The following PSMA5 variants were observed in gnomAD, a reference collection of about 807,000 sequenced individuals.
The protein encoded by PSMA5 is proteasome 20S subunit alpha 5.
In PSMA5, 3 loss-of-function variants were observed where a neutral mutation model predicts 34.5. The ratio of observed to expected loss-of-function variants is 0.09; its 90% confidence interval spans 0.04 to 0.22. PSMA5 has a LOEUF of 0.22. Ranked by LOEUF, PSMA5 falls within the 10% of genes least tolerant of loss-of-function variation. PSMA5 has a pLI of 1.00. For missense variants in PSMA5, 120 were observed against 286.1 expected (o/e 0.42, Z 4.19); for synonymous variants, 88 against 95.8 (o/e 0.92, Z 0.47).
At chr1:109,416,386 AGCCCAGCCCACTG>A (rs1654198738) in intron 2 of PSMA5, among the ~76,000 whole-genome samples, 1 of 152,160 alleles carries the variant, frequency 6.6e-6, no homozygotes, top group South Asian at 2.1e-4. Context: ...CCTCAGGTAT[AGCCCAGCCCACTG>A]GCTCAAGCCA....
Position 109,411,882 on chromosome 1 carries a change from G to A in PSMA5, c.453C>T (p.Pro151=). The change falls in exon 6 of 9, where the codon CCC becomes CCT. Residue 151 remains proline, a synonymous_variant. Coordinates refer to ENST00000271308, the MANE Select transcript of PSMA5 (RefSeq NM_002790.4). ...LLFGGVDEKG[P]QLFHMDPSGT... ...AATTACAAAATGGTACTTACAGCTGGGGTCCTTTCTCATCAACTCCTCCAA... is the reference window on the plus strand; with the variant it reads ...AATTACAAAATGGTACTTACAGCTGAGGTCCTTTCTCATCAACTCCTCCAA... 2 of 1,611,916 alleles carry A rather than the reference G, an allele frequency of 1.2e-6. No individual in the cohort carries two copies. The highest frequency in any genetic ancestry group is 1.1e-5 in the South Asian group (1 of 91,034).
At chr1:109,425,324 A>G (rs1654612083) in intron 1 of PSMA5, 1 of 152,298 alleles carries the variant, frequency 6.6e-6, no homozygotes, top group Middle Eastern at 3.4e-3. Context: ...TATCATACAC[A>G]CCCTAACTCA....
In PSMA5 at chr1:109,402,254, C is replaced by T. The variant is rs143211906; in HGVS notation, c.649-164G>A. Among the ~76,000 whole-genome samples the T allele has an allele frequency of 7.5e-4, 114 of 152,290 alleles. No homozygotes were observed. The Middle Eastern group carries it at 0.031, about 41-fold the overall frequency. On this transcript the variant is annotated intron_variant, in intron 8 of 8. Transcript: ENST00000271308. ...CAGGCAGCAGGTCCCTAAAATAGCT[C>T]TCTGGCTCCAAAATAAAAATGCTTA...
chr1:109,407,015 C>G (rs889423363), intron 8 of PSMA5, among the ~76,000 whole-genome samples: 28 of 152,296 alleles, frequency 1.8e-4, no homozygotes, highest in African/African-American at 6.7e-4. Context: ...GACAGTCTCG[C>G]TCTGTCGCCC....
chr1:109,419,856 C>T (rs531082879), intron 2 of PSMA5, among the ~76,000 whole-genome samples: 255 of 149,756 alleles, frequency 1.7e-3, no homozygotes, highest in Middle Eastern at 0.01. Flanking sequence ...TAGCTGTAGT[C>T]CCGGCTACTT....
At chr1:109,423,651 C>G (rs1654533837) in intron 1 of PSMA5, among the ~76,000 whole-genome samples, 1 of 152,172 alleles carries the variant, frequency 6.6e-6, no homozygotes, top group Admixed American at 6.5e-5. Flanking sequence ...TCCAGTGTTC[C>G]CAACATACGA....
intron 1 of PSMA5, 178 bp downstream of exon 1, chr1:109,426,124 C>T: frequency 1.3e-6 from 1 of 760,206 alleles, no homozygotes; most frequent in Non-Finnish European, 2.2e-6. Context: ...ACAAGTGCCG[C>T]CGATGTGGTC....
chr1:109,412,245 C>G, intron 4 of PSMA5, 61 bp from the exon 5 acceptor site: 1 of 1,350,240 alleles, frequency 7.4e-7, no homozygotes, highest in Non-Finnish European at 1.1e-6. Flanking sequence ...AGCCCACCAT[C>G]TCACTACGCA....
chr1:109,417,559 G>A (rs1222307157), intron 2 of PSMA5, among the ~76,000 whole-genome samples: 1 of 152,192 alleles, frequency 6.6e-6, no homozygotes, highest in Non-Finnish European at 1.5e-5. Flanking sequence ...TCTGGAGACC[G>A]TAAAATAGAG....
intron 1 of PSMA5, chr1:109,425,924 T>C (rs1465778416): frequency 3.7e-6 from 1 of 270,782 alleles, no homozygotes; most frequent in Non-Finnish European, 7.2e-6. Flanking sequence ...AGGAAGCACG[T>C]TTAACTTTTT....
intron 3 of PSMA5, 118 bp downstream of exon 3, chr1:109,415,119 G>T: frequency 7.8e-7 from 1 of 1,285,542 alleles, no homozygotes; most frequent in Non-Finnish European, 1.0e-6. Flanking sequence ...CCTACTGCCT[G>T]GAAAATAATA....
At chr1:109,409,401 C>A (rs1413038817) in intron 8 of PSMA5, among the ~76,000 whole-genome samples, 1 of 152,230 alleles carries the variant, frequency 6.6e-6, no homozygotes, top group Non-Finnish European at 1.5e-5. Flanking sequence ...AAGTGATCTG[C>A]CTGCCTTGGC....
Position 109,426,429 on chromosome 1 carries a change from C to A in PSMA5, c.-99G>T, listed in dbSNP as rs554691744. The A allele has an allele frequency of 3.4e-6, 5 of 1,482,098 alleles. 1 individual carries two copies. The East Asian group carries it at 6.8e-5, about 20-fold the overall frequency. The allele number at this position is 1,482,098 out of a possible 1,614,324, so 91.8% of individuals were successfully genotyped here. ...CCGGCAGCCAACTCACCCACACGGC[C>A]GCAGTACTAAGGACCAACTGCGCGT... On this transcript the variant is annotated 5_prime_UTR_variant, in exon 1 of 9. Transcript: ENST00000271308.
At chr1:109,414,556 C>A (rs1481325809) in intron 3 of PSMA5, among the ~76,000 whole-genome samples, 1 of 152,198 alleles carries the variant, frequency 6.6e-6, no homozygotes. Context: ...CACAGTGACA[C>A]TGAGCTACCT....
chr1:109,408,381 G>C (rs1653867308), intron 8 of PSMA5, among the ~76,000 whole-genome samples: 1 of 152,156 alleles, frequency 6.6e-6, no homozygotes, highest in African/African-American at 2.4e-5. Flanking sequence ...CCTCTTCCAA[G>C]AAGCTTCCCT....
At position 109,421,710 on chromosome 1, in the gene PSMA5, A is replaced by G. The variant is rs986732984; in HGVS notation, c.96+150T>C. 3.3e-5 allele frequency: 21 copies of G among 638,410 alleles called. No homozygotes were observed. In the African/African-American group the frequency reaches 3.7e-4, roughly 11 times the overall value. 39.5% of individuals were successfully genotyped at this position (638,410 alleles called of 1,614,324 possible). On this transcript the variant is annotated intron_variant, in intron 2 of 8. Transcript: ENST00000271308. Reference sequence around the variant, plus strand: ...AATAGATATTAGGAATAGGATTGAAACTGTTATAAAAATGGTTAACAGTGG... The same window carrying G: ...AATAGATATTAGGAATAGGATTGAAGCTGTTATAAAAATGGTTAACAGTGG...
At chr1:109,404,870 G>C (rs182916635) in intron 8 of PSMA5, among the ~76,000 whole-genome samples, 383 of 152,298 alleles carry the variant, frequency 2.5e-3, no homozygotes, top group Non-Finnish European at 3.2e-3. Flanking sequence ...TCAATGTCAG[G>C]TAAGTGTTGT....
intron 8 of PSMA5, among the ~76,000 whole-genome samples, chr1:109,408,976 C>T (rs555981041): frequency 6.6e-6 from 1 of 152,188 alleles, no homozygotes; most frequent in Non-Finnish European, 1.5e-5. Flanking sequence ...CAGGCCACTG[C>T]GCCCAACTCT....
chr1:109,410,913 G>C, intron 7 of PSMA5, 98 bp downstream of exon 7: 1 of 898,878 alleles, frequency 1.1e-6, no homozygotes, highest in African/African-American at 1.7e-5. Flanking sequence ...TTTTGCAATT[G>C]TCAAAACAGA....
Sources: gnomAD v4.1 joint callset for allele counts (sites outside exome capture counted in the v4.1 genomes callset) on GRCh38, gnomAD v4.1.1 for gene constraint, MANE v1.5 for transcripts, NCBI Gene and HGNC (gene_info 2026-07-23, HGNC 2026-07-21) for gene names.